Variants in ACTN3 observed in about 807,000 individuals in gnomAD.
ACTN3 encodes the protein alpha-actinin-3.
ACTN3 carries 91 observed loss-of-function variants against 119.6 expected under a neutral mutation model. The observed-to-expected ratio is 0.76, with a 90% CI of 0.64 to 0.91. The LOEUF is 0.91. ACTN3 is among the 40% of genes least tolerant of loss of function. The pLI, the probability that ACTN3 is intolerant of heterozygous loss-of-function variation, is 0.00. For synonymous variants in ACTN3, 456 were observed against 478.8 expected (o/e 0.95, Z 0.62); for missense variants, 1,221 against 1,215.1 (o/e 1.00, Z -0.07).
chr11:66,555,670 C>G (rs1857577443), intron 7 of ACTN3, among the ~76,000 whole-genome samples: 1 of 152,234 alleles, frequency 6.6e-6, no homozygotes, highest in African/African-American at 2.4e-5. Flanking sequence ...TGGGGCACGT[C>G]CTGCCTGTGG....
Position 66,558,092 on chromosome 11 carries a change from G to A in ACTN3, c.1194G>A (p.Ser398=), listed in dbSNP as rs35977173. 2,342 of 1,613,800 alleles carry A rather than the reference G, an allele frequency of 1.5e-3. 28 individuals carry two copies. In the African/African-American group the frequency reaches 0.025, roughly 18 times the overall value. ...VEKGYEDWLL[S]EIRRLQRLQH... ...AGGGCTATGAGGACTGGCTGCTCTC[G>A]GAGATCCGGCGCCTGCAGCGACTCC... Residue 398 remains serine (S), a synonymous_variant, in exon 11 of 21, where the codon TCG becomes TCA. Coordinates refer to ENST00000513398, the MANE Select transcript of ACTN3 (RefSeq NM_001104.4).
chr11:66,558,355 G>A (rs922285883), intron 11 of ACTN3, 181 bp downstream of exon 11: 2 of 409,292 alleles, frequency 4.9e-6, no homozygotes, highest in African/African-American at 4.3e-5. Context: ...CCTCTCTTTT[G>A]GCCACTGCCC....
At chr11:66,553,643 G>A (rs896675335) in intron 3 of ACTN3, among the ~76,000 whole-genome samples, 8 of 151,576 alleles carry the variant, frequency 5.3e-5, no homozygotes, top group African/African-American at 1.9e-4. Context: ...GGCCGAGGCA[G>A]GCAGATCATG....
At chr11:66,559,867 C>A (rs1259949352) in intron 12 of ACTN3, 101 bp from the exon 13 acceptor site, 3 of 1,179,668 alleles carry the variant, frequency 2.5e-6, no homozygotes, top group Non-Finnish European at 3.7e-6. Context: ...GGCTCCCGCA[C>A]GCCTTCACCC....
chr11:66,559,520 G>A (rs1014523177), intron 12 of ACTN3, 134 bp downstream of exon 12: 2 of 916,742 alleles, frequency 2.2e-6, no homozygotes, highest in African/African-American at 1.7e-5. Flanking sequence ...GTGGTACCCA[G>A]GTCCCATTCG....
chr11:66,561,628 C>T lies in ACTN3; in HGVS notation c.2166C>T (p.Tyr722=), dbSNP rs1183525996. The T allele has an allele frequency of 5.6e-6, 9 of 1,611,744 alleles. No individual in the cohort carries two copies. The highest frequency in any genetic ancestry group is 5.3e-5 in the African/African-American group (4 of 75,034). The part of the protein sequence containing the change: ...SLVFDNKHTV[Y]SMEHIRVGWE... ...TGTTCGACAATAAGCACACCGTCTA[C>T]AGCATGGAGGTGGGATCACACCCTC... Residue 722 remains tyrosine (Y), a synonymous_variant, in exon 17 of 21, where the codon TAC becomes TAT. Coordinates refer to ENST00000513398, the MANE Select transcript of ACTN3 (RefSeq NM_001104.4).
chr11:66,548,175 G>A (rs1857402740), intron 1 of ACTN3, among the ~76,000 whole-genome samples: 1 of 152,160 alleles, frequency 6.6e-6, no homozygotes, highest in African/African-American at 2.4e-5. Context: ...GATGACAGGA[G>A]ATGACCCCAA....
rs545239702 is a variant in ACTN3 at position 66,547,133 on chromosome 11, G to A, written c.147+49G>A. 8 of 1,453,904 alleles carry A rather than the reference G, an allele frequency of 5.5e-6. No homozygotes were observed. In the African/African-American group the frequency reaches 8.6e-5, roughly 16 times the overall value. The allele number at this position is 1,453,904 out of a possible 1,614,324, so 90.1% of individuals were successfully genotyped here. Reference sequence around the variant, plus strand: ...CAGCAAAACCGAGGCCTGAGAGGCCGGGCTGTTTGTCCTGGGCATCTCAGC... The same window carrying A: ...CAGCAAAACCGAGGCCTGAGAGGCCAGGCTGTTTGTCCTGGGCATCTCAGC... On this transcript the variant is annotated intron_variant, in intron 1 of 20. Coordinates refer to ENST00000513398, the MANE Select transcript of ACTN3 (RefSeq NM_001104.4).
chr11:66,563,140 G>A lies in ACTN3; in HGVS notation c.2653G>A (p.Ala885Thr). The A allele has an allele frequency of 1.2e-6, 2 of 1,613,262 alleles. No homozygotes were observed. The highest frequency in any genetic ancestry group is 1.7e-6 in the Non-Finnish European group (2 of 1,179,642). The change falls in exon 21 of 21, where the codon GCC becomes ACC. Residue 885 changes from alanine (A) to threonine (T), a missense_variant. Coordinates refer to ENST00000513398, the MANE Select transcript of ACTN3 (RefSeq NM_001104.4). ...CAAGGGATCCGGGGCCCCGGCTGGA[G>A]CCCTGGACTACGTGGCCTTCTCCAG... Reference protein sequence around the residue: ...PYKGSGAPAGALDYVAFSSAL... With the variant: ...PYKGSGAPAGTLDYVAFSSAL...
chr11:66,560,320 C>T lies in ACTN3; in HGVS notation c.1677+9C>T. 1 of 1,609,344 alleles carries T rather than the reference C, an allele frequency of 6.2e-7. No individual in the cohort carries two copies. The highest frequency in any genetic ancestry group is 8.5e-7 in the Non-Finnish European group (1 of 1,177,474). On this transcript the variant is annotated intron_variant, in intron 14 of 20. Coordinates refer to ENST00000513398, the MANE Select transcript of ACTN3 (RefSeq NM_001104.4). ...CTGTGGAGGAGACCCAGGTGGGTGCCAGGGTTGCAGGGGATGGATAGGATG... is the reference window on the plus strand; with the variant it reads ...CTGTGGAGGAGACCCAGGTGGGTGCTAGGGTTGCAGGGGATGGATAGGATG...
upstream of ACTN3, chr11:66,546,766 TTCAGGACAACCCCTTGCCAGGTCCA>T: frequency 6.5e-7 from 1 of 1,533,920 alleles, no homozygotes; most frequent in East Asian, 2.4e-5. Flanking sequence ...AGTTCCCGGC[TTCAGGACAACCCCTTGCCAGGTCCA>T]ACCCGAGCTC....
At chr11:66,555,237 G>A (rs1360751395) in intron 6 of ACTN3, 29 bp downstream of exon 6, 2 of 1,613,792 alleles carry the variant, frequency 1.2e-6, no homozygotes, top group Middle Eastern at 1.6e-4. Context: ...CCAGCCCAAG[G>A]CCTCTGCCTG....
chr11:66,561,522 A>C lies in ACTN3; in HGVS notation c.2060A>C (p.Gln687Pro). 1 of 1,608,422 alleles carries C rather than the reference A, an allele frequency of 6.2e-7. No individual in the cohort carries two copies. Among genetic ancestry groups the C allele is most frequent in the Non-Finnish European group, 8.5e-7 (1 of 1,177,478 alleles). ...SLEEQMAGLR[Q>P]QEQNIINYKT... ...GAGGAGCAGATGGCTGGGCTACGGC[A>C]GCAGGAGCAGAACATTATCAACTAC... Residue 687 changes from glutamine (Q) to proline (P), a missense_variant, in exon 17 of 21, where the codon CAG (glutamine) becomes CCG (proline). This residue lies in a region of ACTN3 where 934 missense variants were observed against 899.9 expected (regional missense o/e 1.04). Transcript: ENST00000513398.
At position 66,558,025 on chromosome 11, in the gene ACTN3, AGGACATCGCCAACGCCT is replaced by A. The variant is rs1345622624; in HGVS notation, c.1130_1146del (p.Asp377AlafsTer11). Reference sequence around the variant, plus strand: ...TGGAGCGCACCCCTGCCTGCTCCACAGGACATCGCCAACGCCTGGCGGGGGCTGGAGCAGGTGGAAAA... The same window carrying A: ...TGGAGCGCACCCCTGCCTGCTCCACAGGCGGGGGCTGGAGCAGGTGGAAAA... On this transcript the variant is annotated splice_acceptor_variant and coding_sequence_variant, in exon 11 of 21. Transcript: ENST00000513398. LOFTEE classifies it high-confidence loss of function. The A allele has an allele frequency of 6.2e-7, 1 of 1,613,870 alleles. No individual in the cohort carries two copies. The highest frequency in any genetic ancestry group is 1.3e-5 in the African/African-American group (1 of 75,078).
In ACTN3 at chr11:66,560,086, G is replaced by A. The variant is rs570202069; in HGVS notation, c.1536+10G>A. On this transcript the variant is annotated intron_variant, in intron 13 of 20. Coordinates refer to ENST00000513398, the MANE Select transcript of ACTN3 (RefSeq NM_001104.4). Reference sequence around the variant, plus strand: ...GCGGGATGCGCTAGAGGTGGGGCTGGGGGCCGGGGAGCTGGGGGGTGGGTA... The same window carrying A: ...GCGGGATGCGCTAGAGGTGGGGCTGAGGGCCGGGGAGCTGGGGGGTGGGTA... 52 of 1,559,742 alleles carry A rather than the reference G, an allele frequency of 3.3e-5. No homozygotes were observed. The highest frequency in any genetic ancestry group is 4.2e-5 in the Non-Finnish European group (48 of 1,153,770).
chr11:66,558,155 G>A lies in ACTN3; in HGVS notation c.1257G>A (p.Leu419=). The A allele has an allele frequency of 1.2e-6, 2 of 1,613,566 alleles. No homozygotes were observed. The highest frequency in any genetic ancestry group is 1.7e-6 in the Non-Finnish European group (2 of 1,179,896). Residue 419 remains leucine, a synonymous_variant, in exon 11 of 21, where the codon CTG becomes CTA. Transcript: ENST00000513398. ...LAEKFRQKAS[L]HEAWTRGKEE... is the part of the protein sequence containing the mutation. Reference sequence around the variant, plus strand: ...AGAAGTTCCGGCAGAAGGCCTCCCTGCACGAAGCCTGGACCCGGGGTAGGT... The same window carrying A: ...AGAAGTTCCGGCAGAAGGCCTCCCTACACGAAGCCTGGACCCGGGGTAGGT...
Position 66,563,016 on chromosome 11 carries a change from C to A in ACTN3, c.2548-19C>A. 1 of 1,608,058 alleles carries A rather than the reference C, an allele frequency of 6.2e-7. No homozygotes were observed. Among genetic ancestry groups the A allele is most frequent in the South Asian group, 1.1e-5 (1 of 90,498 alleles). ...GCAGGGCACGGGACCTGTGGGTCCT[C>A]AACGCCTCTTCTCCCCAGAACTACA... On this transcript the variant is annotated intron_variant, in intron 20 of 20. Coordinates refer to ENST00000513398, the MANE Select transcript of ACTN3 (RefSeq NM_001104.4).
At position 66,560,668 on chromosome 11, in the gene ACTN3, G is replaced by T; in HGVS notation, c.1773G>T (p.Lys591Asn). ...AIMGIQGEIQKICQTYGLRPC... is the reference protein window; with the variant it reads ...AIMGIQGEIQNICQTYGLRPC... ...TGGGCATCCAGGGTGAGATCCAGAA[G>T]ATCTGCCAGACGTATGGGCTGCGGC... Residue 591 changes from lysine (K) to asparagine (N), a missense_variant, in exon 15 of 21, where the codon AAG (lysine) becomes AAT (asparagine). Physicochemically the swap from Lys to Asn is moderately conservative, Grantham distance 94 (BLOSUM62 0). Transcript: ENST00000513398. 6.2e-7 allele frequency: 1 copy of T among 1,613,898 alleles called. No homozygotes were observed. The highest frequency in any genetic ancestry group is 1.7e-5 in the Admixed American group (1 of 60,028).
chr11:66,562,657 G>C, intron 19 of ACTN3, 139 bp from the exon 20 acceptor site: 1 of 1,002,754 alleles, frequency 1.0e-6, no homozygotes, highest in South Asian at 1.6e-5. Flanking sequence ...TACAGCCAGG[G>C]CTAAGGTCTC....
Sources: gnomAD v4.1 joint callset for allele counts (sites outside exome capture counted in the v4.1 genomes callset) on GRCh38, gnomAD v4.1.1 for gene constraint, gnomAD v4.1.1 regional missense constraint, MANE v1.5 for transcripts, NCBI Gene and HGNC (gene_info 2026-07-23, HGNC 2026-07-21) for gene names.